The following BLTP3B variants were observed in gnomAD, a reference collection of about 807,000 sequenced individuals.
The protein encoded by BLTP3B is bridge-like lipid transfer protein family member 3B, also known as UHRF1 (ICBP90) binding protein 1-like.
At chr12:100,138,907 T>C in the BLTP3B span, among the ~76,000 whole-genome samples, 4 of 152,148 alleles carry the variant, frequency 2.6e-5, no homozygotes, top group East Asian at 1.9e-4. Flanking sequence ...AGCTGAAAGG[T>C]AGCTTCTGCT....
At chr12:100,063,984 C>T in the BLTP3B span, among the ~76,000 whole-genome samples, 2 of 152,092 alleles carry the variant, frequency 1.3e-5, no homozygotes, top group African/African-American at 4.8e-5. Flanking sequence ...AGTTATTAGG[C>T]TAATCAGGGA....
At chr12:100,047,840 T>C in the BLTP3B span, 3 of 1,218,310 alleles carry the variant, frequency 2.5e-6, no homozygotes, top group Admixed American at 3.2e-5. Flanking sequence ...TTTTAATAAA[T>C]GCTGATAGAA....
the BLTP3B span, among the ~76,000 whole-genome samples, chr12:100,085,946 T>A: frequency 6.6e-6 from 1 of 152,086 alleles, no homozygotes; most frequent in African/African-American, 2.4e-5. Flanking sequence ...AAAACATTAA[T>A]AACTTGTTTT....
chr12:100,126,414 C>T, the BLTP3B span, among the ~76,000 whole-genome samples: 1 of 151,764 alleles, frequency 6.6e-6, no homozygotes, highest in Non-Finnish European at 1.5e-5. Flanking sequence ...CCCACAGTGC[C>T]CCTAAGAAGA....
At chr12:100,058,811 G>A in the BLTP3B span, 45 of 1,613,824 alleles carry the variant, frequency 2.8e-5, no homozygotes, top group Non-Finnish European at 3.6e-5. Flanking sequence ...GCAGATACTG[G>A]TAGTGATTAA....
At chr12:100,097,611 A>T in the BLTP3B span, 6 of 1,269,936 alleles carry the variant, frequency 4.7e-6, no homozygotes, top group Admixed American at 2.6e-5. Flanking sequence ...TAATTTTCAC[A>T]TGACATTTTA....
chr12:100,076,194 A>C, the BLTP3B span, among the ~76,000 whole-genome samples: 4 of 152,058 alleles, frequency 2.6e-5, no homozygotes, highest in African/African-American at 9.7e-5. Context: ...TGTCATCAAA[A>C]ATGTATATAT....
At chr12:100,047,169 T>C in the BLTP3B span, among the ~76,000 whole-genome samples, 1 of 152,176 alleles carries the variant, frequency 6.6e-6, no homozygotes, top group African/African-American at 2.4e-5. Flanking sequence ...AGGTAAACAA[T>C]TTAACTTCGA....
At chr12:100,109,030 T>G in the BLTP3B span, among the ~76,000 whole-genome samples, 3 of 152,166 alleles carry the variant, frequency 2.0e-5, no homozygotes, top group African/African-American at 7.2e-5. Context: ...ATCTCACCTC[T>G]AATTGTAATC....
At chr12:100,041,984 T>A in the BLTP3B span, among the ~76,000 whole-genome samples, 50 of 151,666 alleles carry the variant, frequency 3.3e-4, no homozygotes, top group African/African-American at 1.2e-3. Context: ...TAATAAAGAA[T>A]CCACAAATGA....
At chr12:100,112,146 C>T in the BLTP3B span, among the ~76,000 whole-genome samples, 1 of 152,130 alleles carries the variant, frequency 6.6e-6, no homozygotes, top group South Asian at 2.1e-4. Context: ...AAAAGCCTGG[C>T]CTGGCAAGAG....
chr12:100,050,345 A>C, the BLTP3B span: 12 of 1,579,158 alleles, frequency 7.6e-6, no homozygotes, highest in African/African-American at 1.2e-4. Context: ...AAATAATATT[A>C]GTATGCCAAG....
chr12:100,112,110 A>G, the BLTP3B span, among the ~76,000 whole-genome samples: 4 of 152,222 alleles, frequency 2.6e-5, no homozygotes, highest in Non-Finnish European at 5.9e-5. Context: ...CCACTTTTAT[A>G]AAGACAAAAG....
the BLTP3B span, among the ~76,000 whole-genome samples, chr12:100,057,214 C>T: frequency 2.0e-5 from 3 of 152,158 alleles, no homozygotes; most frequent in African/African-American, 7.2e-5. Flanking sequence ...GTCTAAATGA[C>T]TGCATACATA....
chr12:100,077,661 G>A, the BLTP3B span, among the ~76,000 whole-genome samples: 1 of 152,168 alleles, frequency 6.6e-6, no homozygotes, highest in East Asian at 1.9e-4. Flanking sequence ...GAATCACTGA[G>A]TTAAATAAAA....
the BLTP3B span, among the ~76,000 whole-genome samples, chr12:100,099,112 C>T: frequency 1.3e-5 from 2 of 151,706 alleles, no homozygotes; most frequent in East Asian, 4.0e-4. Flanking sequence ...TCTGCCTCAG[C>T]CTCCGGAGTG....
At chr12:100,059,973 C>T in the BLTP3B span, 25 of 1,612,904 alleles carry the variant, frequency 1.6e-5, no homozygotes, top group Non-Finnish European at 2.1e-5. Flanking sequence ...ATTGATTTAA[C>T]CATAGAATGC....
the BLTP3B span, among the ~76,000 whole-genome samples, chr12:100,099,146 C>T: frequency 1.3e-5 from 2 of 151,412 alleles, no homozygotes; most frequent in African/African-American, 4.8e-5. Flanking sequence ...GCATGCACCA[C>T]CATACCTGGC....
the BLTP3B span, among the ~76,000 whole-genome samples, chr12:100,082,179 CAT>C: frequency 6.6e-6 from 1 of 152,328 alleles, no homozygotes; most frequent in African/African-American, 2.4e-5. Flanking sequence ...AGCACTGTTT[CAT>C]ATGCTTGTTG....
Sources: gnomAD v4.1 joint callset for allele counts (sites outside exome capture counted in the v4.1 genomes callset) on GRCh38, gnomAD v4.1.1 for gene constraint, MANE v1.5 for transcripts, NCBI Gene and HGNC (gene_info 2026-07-23, HGNC 2026-07-21) for gene names.